PTPRH: variants seen among roughly 807,000 people sequenced by gnomAD.
The protein encoded by PTPRH is protein tyrosine phosphatase receptor type H.
Under a neutral mutation model 130.2 loss-of-function variants are expected in PTPRH, and 113 were observed. That is an observed-to-expected ratio of 0.87 (90% CI 0.75 to 1.01). The LOEUF is 1.01. Ranked by LOEUF, PTPRH falls within the 50% of genes least tolerant of loss-of-function variation. The pLI, the probability that PTPRH is intolerant of heterozygous loss-of-function variation, is 0.00. For synonymous variants in PTPRH, 556 were observed against 577.9 expected (o/e 0.96, Z 0.54); for missense variants, 1,430 against 1,425.0 (o/e 1.00, Z -0.06).
At chr19:55,184,875 C>G (rs923820317) in intron 18 of PTPRH, among the ~76,000 whole-genome samples, 5 of 152,246 alleles carry the variant, frequency 3.3e-5, no homozygotes, top group Admixed American at 2.0e-4. Flanking sequence ...AGGCCCTGCA[C>G]TCCAGCACAG....
intron 3 of PTPRH, 137 bp downstream of exon 3, chr19:55,206,551 GA>G (rs2087063016): frequency 1.1e-6 from 1 of 917,910 alleles, no homozygotes; most frequent in East Asian, 2.7e-5. Flanking sequence ...GTGGCTGATA[GA>G]AAATTGAAAT....
chr19:55,192,765 G>T (rs978813921), intron 10 of PTPRH, among the ~76,000 whole-genome samples: 6 of 151,446 alleles, frequency 4.0e-5, no homozygotes, highest in African/African-American at 1.5e-4. Context: ...GTTAGCCAGG[G>T]TGGTCCTGAT....
At chr19:55,183,684 G>A (rs563106334) in intron 18 of PTPRH, among the ~76,000 whole-genome samples, 5 of 151,724 alleles carry the variant, frequency 3.3e-5, no homozygotes, top group East Asian at 2.0e-4. Flanking sequence ...AGATCGCACC[G>A]TTGCACTCCA....
chr19:55,205,157 T>A (rs1274780814), intron 4 of PTPRH, among the ~76,000 whole-genome samples, 169 bp downstream of exon 4: 1 of 152,186 alleles, frequency 6.6e-6, no homozygotes, highest in Non-Finnish European at 1.5e-5. Flanking sequence ...GGAGGTACCA[T>A]GGACATTCAT....
rs774149008 is a variant in PTPRH at position 55,191,640 on chromosome 19, G to C, written c.2336+23C>G. On this transcript the variant is annotated intron_variant, in intron 11 of 19. Transcript: ENST00000376350. Reference sequence around the variant, plus strand: ...TTCTCCAGCCCCCACCCTCCAGGCGGTCAGCCCTGTGCTGAGTCTCACCTC... The same window carrying C: ...TTCTCCAGCCCCCACCCTCCAGGCGCTCAGCCCTGTGCTGAGTCTCACCTC... 5.0e-6 allele frequency: 8 copies of C among 1,613,074 alleles called. No homozygotes were observed. The Admixed American group carries it at 1.3e-4, about 27-fold the overall frequency.
chr19:55,184,936 G>A (rs2086276007), intron 18 of PTPRH, among the ~76,000 whole-genome samples: 1 of 152,016 alleles, frequency 6.6e-6, no homozygotes, highest in South Asian at 2.1e-4. Flanking sequence ...CCCATCCTGT[G>A]GCTTCATCCT....
chr19:55,187,393 A>G (rs2086390422), intron 14 of PTPRH, 120 bp downstream of exon 14: 7 of 540,672 alleles, frequency 1.3e-5, no homozygotes, highest in Non-Finnish European at 2.2e-5. Flanking sequence ...GAAGAAAAAA[A>G]AAAGGAGACC....
intron 12 of PTPRH, chr19:55,189,659 T>C (rs1302384783): frequency 4.4e-6 from 2 of 455,940 alleles, no homozygotes; most frequent in African/African-American, 4.0e-5. Flanking sequence ...AGTCATCTTG[T>C]TAGCAAAGCT....
In PTPRH at chr19:55,181,628, C is replaced by A; in HGVS notation, c.*126G>T. 2.2e-6 allele frequency: 3 copies of A among 1,347,032 alleles called. No homozygotes were observed. The highest frequency in any genetic ancestry group is 3.1e-6 in the Non-Finnish European group (3 of 974,952). The allele number at this position is 1,347,032 out of a possible 1,614,324, so 83.4% of individuals were successfully genotyped here. ...CTGGGGAAACCAGAGTTTGGGATAC[C>A]AGCCCCCTCCTCCCACAGCACCCAG... On this transcript the variant is annotated 3_prime_UTR_variant, in exon 20 of 20. Transcript: ENST00000376350.
chr19:55,195,523 ATTATGCTCAGTG>A (rs1193112520), intron 10 of PTPRH, among the ~76,000 whole-genome samples: 1 of 152,040 alleles, frequency 6.6e-6, no homozygotes, highest in African/African-American at 2.4e-5. Context: ...AAAAAAACAA[ATTATGCTCAGTG>A]AAAGTGGCCA....
In PTPRH at chr19:55,207,169, G is replaced by C. The variant is rs1036977337; in HGVS notation, c.82C>G (p.Pro28Ala). The change falls in exon 2 of 20, where the codon CCT becomes GCT. Residue 28 changes from proline to alanine, a missense_variant. Transcript: ENST00000376350. Reference protein sequence around the residue: ...GLCSWTGARAPAPNPGRNLTV... With the variant: ...GLCSWTGARAAAPNPGRNLTV... ...AGTTCAGGCAGGGGTCACTCACCAG[G>C]CGCCCTGGCCCCTGTCCAGCTGCAC... 1.9e-6 allele frequency: 3 copies of C among 1,613,364 alleles called. No individual in the cohort carries two copies. Among genetic ancestry groups the C allele is most frequent in the East Asian group, 4.5e-5 (2 of 44,862 alleles).
chr19:55,200,949 AAC>A (rs1252330607), intron 6 of PTPRH, among the ~76,000 whole-genome samples: 25 of 109,174 alleles, frequency 2.3e-4, no homozygotes, highest in African/African-American at 9.9e-4. Context: ...TCTCAAAACA[AAC>A]AAAAAAAACA....
At chr19:55,185,714 G>A (rs763770947) in intron 17 of PTPRH, 52 bp from the exon 18 acceptor site, 8 of 1,601,986 alleles carry the variant, frequency 5.0e-6, no homozygotes, top group South Asian at 2.2e-5. Context: ...GGGAGGACCT[G>A]GCTTCTAGCA....
chr19:55,191,578 CAG>C (rs775752028), intron 11 of PTPRH, 30 bp from the exon 12 acceptor site: 4 of 1,613,828 alleles, frequency 2.5e-6, no homozygotes, highest in Non-Finnish European at 2.5e-6. Context: ...ATGAGAGGCT[CAG>C]GGGGTGAGGC....
In PTPRH at chr19:55,203,859, C is replaced by T. The variant is rs61734256; in HGVS notation, c.809G>A (p.Gly270Glu). 330 of 1,614,132 alleles carry T rather than the reference C, an allele frequency of 2.0e-4. 1 individual carries two copies. The African/African-American group carries it at 3.9e-3, about 19-fold the overall frequency. The change falls in exon 5 of 20, where the codon GGG becomes GAG. Residue 270 changes from glycine to glutamate, a missense_variant. Physicochemically the swap from Gly to Glu is moderately conservative, Grantham distance 98. Transcript: ENST00000376350. ...TRVTVDGLGP[G>E]SLYTCSVWVE... The stretch of plus-strand genomic sequence containing the variant: ...CCACACAGAACACGTATACAATGAC[C>T]CGGGTCCAAGGCCATCCACGGTGAC...
rs772913723 is a variant in PTPRH at position 55,202,216 on chromosome 19, C to A, written c.993G>T (p.Gly331=). The A allele has an allele frequency of 6.2e-7, 1 of 1,614,198 alleles. No individual in the cohort carries two copies. Among genetic ancestry groups the A allele is most frequent in the East Asian group, 2.2e-5 (1 of 44,890 alleles). The change falls in exon 6 of 20, where the codon GGG becomes GGT. Residue 331 remains glycine, a synonymous_variant. Coordinates refer to ENST00000376350, the MANE Select transcript of PTPRH (RefSeq NM_002842.5). The part of the protein sequence containing the change: ...DGPDPQNSTY[G]VEYTGDGGRA... Reference sequence around the variant, plus strand: ...TGCCACCATCTCCAGTGTACTCAACCCCGTAGGTGGAGTTCTGTGGGTCTG... The same window carrying A: ...TGCCACCATCTCCAGTGTACTCAACACCGTAGGTGGAGTTCTGTGGGTCTG...
intron 5 of PTPRH, 55 bp from the exon 6 acceptor site, chr19:55,202,377 C>A: frequency 6.3e-7 from 1 of 1,599,390 alleles, no homozygotes. Flanking sequence ...CTCAAACTTT[C>A]CAGCCCTTCC....
rs200498809 is a variant in PTPRH, at chr19:55,198,917, G to A, written c.1421-5C>T. 3.1e-5 allele frequency: 47 copies of A among 1,505,312 alleles called. No individual in the cohort carries two copies. The highest frequency in any genetic ancestry group is 3.7e-5 in the Non-Finnish European group (42 of 1,124,112). 93.2% of individuals were successfully genotyped at this position (1,505,312 alleles called of 1,614,324 possible). A position where few individuals can be genotyped will look rare whatever the true frequency, so the allele number is the denominator to read the frequency against. On this transcript the variant is annotated splice_region_variant and splice_polypyrimidine_tract_variant and intron_variant, in intron 7 of 19. Coordinates refer to ENST00000376350, the MANE Select transcript of PTPRH (RefSeq NM_002842.5). ...GGCTTGTCACTGCGTTGGGGACTGG[G>A]AGAGGGAGCAGAGTCAGGATTTCCA...
At chr19:55,195,294 C>T (rs915236289) in intron 10 of PTPRH, among the ~76,000 whole-genome samples, 4 of 152,018 alleles carry the variant, frequency 2.6e-5, no homozygotes, top group African/African-American at 9.7e-5. Flanking sequence ...CACTGCACTC[C>T]AGCCTGGGCG....
Sources: gnomAD v4.1 joint callset for allele counts (sites outside exome capture counted in the v4.1 genomes callset) on GRCh38, gnomAD v4.1.1 for gene constraint, MANE v1.5 for transcripts, NCBI Gene and HGNC (gene_info 2026-07-23, HGNC 2026-07-21) for gene names.